Variants in SORCS3 observed in about 807,000 individuals in gnomAD.
SORCS3 encodes the protein VPS10 domain-containing receptor SorCS3.
SORCS3 carries 57 observed loss-of-function variants against 146.3 expected under a neutral mutation model. The ratio of observed to expected loss-of-function variants is 0.39; its 90% confidence interval spans 0.31 to 0.49. SORCS3 has a LOEUF of 0.49. Ranked by LOEUF, SORCS3 falls within the 20% of genes least tolerant of loss-of-function variation. SORCS3 has a pLI of 0.92. For missense variants in SORCS3, 1,341 were observed against 1,575.5 expected, an observed-to-expected ratio of 0.85 and a Z score of 2.52; for synonymous variants, 653 against 618.5, an observed-to-expected ratio of 1.06 and a Z score of -0.83.
intron 4 of SORCS3, among the ~76,000 whole-genome samples, chr10:104,982,099 C>T (rs755505628): frequency 8.5e-5 from 13 of 152,062 alleles, no homozygotes; most frequent in Non-Finnish European, 1.6e-4. Flanking sequence ...ACCTCCTATC[C>T]GACAAGATCA....
intron 14 of SORCS3, among the ~76,000 whole-genome samples, chr10:105,193,028 A>G (rs1229472988): frequency 6.6e-6 from 1 of 152,170 alleles, no homozygotes; most frequent in Non-Finnish European, 1.5e-5. Flanking sequence ...TCATTTAATT[A>G]ATGAGTAGCT....
intron 7 of SORCS3, among the ~76,000 whole-genome samples, chr10:105,131,655 C>A (rs568148963): frequency 1.3e-5 from 2 of 152,030 alleles, no homozygotes; most frequent in Non-Finnish European, 2.9e-5. Flanking sequence ...AGGTTTGATT[C>A]GTTCATGGTT....
At chr10:104,791,479 G>A (rs577978279) in intron 1 of SORCS3, among the ~76,000 whole-genome samples, 35 of 152,288 alleles carry the variant, frequency 2.3e-4, no homozygotes, top group Non-Finnish European at 4.1e-4. Context: ...AAAGAGGCTC[G>A]GTGAGGTTCA....
At chr10:104,790,940 A>G (rs2017489257) in intron 1 of SORCS3, among the ~76,000 whole-genome samples, 1 of 152,208 alleles carries the variant, frequency 6.6e-6, no homozygotes, top group African/African-American at 2.4e-5. Flanking sequence ...TTATAAGATA[A>G]CACTCCTGCT....
At chr10:104,769,333 G>C (rs770164057) in intron 1 of SORCS3, among the ~76,000 whole-genome samples, 1 of 152,250 alleles carries the variant, frequency 6.6e-6, no homozygotes, top group Non-Finnish European at 1.5e-5. Flanking sequence ...GGCCATCCCA[G>C]ATGCTGTGCC....
At chr10:105,171,061 T>C (rs1444071354) in intron 13 of SORCS3, among the ~76,000 whole-genome samples, 2 of 152,146 alleles carry the variant, frequency 1.3e-5, no homozygotes, top group African/African-American at 4.8e-5. Context: ...AATATTTGAA[T>C]AGGAAAAAGA....
chr10:104,676,734 TGTAA>T (rs1395581280), intron 1 of SORCS3, among the ~76,000 whole-genome samples: 1 of 152,230 alleles, frequency 6.6e-6, no homozygotes, highest in Non-Finnish European at 1.5e-5. Context: ...CAAATCCTCC[TGTAA>T]GCCTAGGGCA....
chr10:104,714,960 A>C (rs941357753), intron 1 of SORCS3, among the ~76,000 whole-genome samples: 9 of 152,204 alleles, frequency 5.9e-5, no homozygotes, highest in Non-Finnish European at 8.8e-5. Flanking sequence ...GTGATGGGTC[A>C]TAGGCTAAAT....
chr10:104,977,767 C>G (rs1480386864), intron 4 of SORCS3, among the ~76,000 whole-genome samples: 2 of 132,936 alleles, frequency 1.5e-5, no homozygotes, highest in Non-Finnish European at 3.1e-5. Context: ...GAGTCTCGCT[C>G]TTTCACCAGG....
intron 20 of SORCS3, among the ~76,000 whole-genome samples, chr10:105,226,292 T>A (rs762165848): frequency 9.9e-5 from 15 of 152,076 alleles, no homozygotes; most frequent in Non-Finnish European, 1.3e-4. Context: ...CAAATGCTTT[T>A]TCTGAATCTA....
chr10:105,110,213 A>G lies in SORCS3; in HGVS notation c.1212+4698A>G, dbSNP rs1279245982. 2.3e-3 allele frequency among the ~76,000 whole-genome samples: 342 copies of G among 150,468 alleles called. 1 individual carries two copies. Among genetic ancestry groups the G allele is most frequent in the African/African-American group, 7.8e-3 (320 of 40,966 alleles). The stretch of plus-strand genomic sequence containing the variant: ...TCTTTTCTGAGCTTTGCCAGTTTAT[A>G]TTGTGTCTCTTTCTCTCGTATCAAC... On this transcript the variant is annotated intron_variant, in intron 7 of 26. Coordinates refer to ENST00000369701, the MANE Select transcript of SORCS3 (RefSeq NM_014978.3).
chr10:105,014,203 C>T (rs1274495626), intron 4 of SORCS3, among the ~76,000 whole-genome samples: 2 of 150,714 alleles, frequency 1.3e-5, no homozygotes, highest in Admixed American at 1.3e-4. Flanking sequence ...AATTATTATT[C>T]TGGGACAATT....
intron 1 of SORCS3, among the ~76,000 whole-genome samples, chr10:104,696,439 A>C (rs1459909189): frequency 1.4e-5 from 1 of 73,588 alleles, no homozygotes; most frequent in African/African-American, 5.1e-5. Flanking sequence ...TATAGAATAT[A>C]TAATATATAG....
intron 7 of SORCS3, among the ~76,000 whole-genome samples, chr10:105,109,510 A>G (rs1371499549): frequency 6.6e-6 from 1 of 152,054 alleles, no homozygotes; most frequent in African/African-American, 2.4e-5. Context: ...TCTCTTGGTT[A>G]TCTGAAATTT....
At chr10:105,191,800 A>G (rs1047699463) in intron 14 of SORCS3, among the ~76,000 whole-genome samples, 5 of 152,170 alleles carry the variant, frequency 3.3e-5, no homozygotes, top group African/African-American at 1.2e-4. Flanking sequence ...TGAGAATCCA[A>G]TACCACAGCT....
intron 4 of SORCS3, among the ~76,000 whole-genome samples, chr10:105,013,823 A>G (rs1354981866): frequency 2.6e-5 from 4 of 152,064 alleles, no homozygotes; most frequent in Admixed American, 2.6e-4. Flanking sequence ...TATCAAACTG[A>G]TTTTCTAATG....
At chr10:105,190,248 A>C (rs1300286035) in intron 14 of SORCS3, among the ~76,000 whole-genome samples, 2 of 152,230 alleles carry the variant, frequency 1.3e-5, no homozygotes, top group African/African-American at 4.8e-5. Flanking sequence ...TTCATCATTT[A>C]CTTGCTGTGT....
At chr10:105,153,634 AGT>A (rs1239631670) in intron 9 of SORCS3, among the ~76,000 whole-genome samples, 3 of 129,774 alleles carry the variant, frequency 2.3e-5, no homozygotes, top group African/African-American at 9.9e-5. Flanking sequence ...AGAGAGAGAG[AGT>A]GTGTGTGTAT....
intron 4 of SORCS3, among the ~76,000 whole-genome samples, chr10:104,994,800 G>A (rs1197760212): frequency 5.3e-5 from 8 of 152,032 alleles, no homozygotes; most frequent in African/African-American, 7.3e-5. Flanking sequence ...TTATTGTTTC[G>A]CTGATAATAT....
Sources: allele counts gnomAD v4.1 joint callset (sites outside exome capture counted in the v4.1 genomes callset), GRCh38; gene constraint gnomAD v4.1.1; transcripts MANE v1.5; gene names NCBI Gene and HGNC (gene_info 2026-07-23, HGNC 2026-07-21).